Variants in EXT2 observed in about 807,000 individuals in gnomAD.
The protein encoded by EXT2 is exostosin-2.
Under a neutral mutation model 81.6 loss-of-function variants are expected in EXT2, and 53 were observed. The ratio of observed to expected loss-of-function variants is 0.65; its 90% CI spans 0.52 to 0.82. The LOEUF is 0.82. Ranked by LOEUF, EXT2 falls within the 40% of genes least tolerant of loss-of-function variation. The probability of loss-of-function intolerance (pLI) is 0.00; values close to 1 mark genes in which losing one functional copy is unlikely to be tolerated. For synonymous variants in EXT2, 320 were observed against 340.0 expected (o/e 0.94, Z 0.65); for missense variants, 774 against 910.2 (o/e 0.85, Z 1.93).
intron 7 of EXT2, among the ~76,000 whole-genome samples, chr11:44,168,820 T>A (rs1955030607): frequency 6.6e-6 from 1 of 152,104 alleles, no homozygotes; most frequent in African/African-American, 2.4e-5. Flanking sequence ...TACAGTGAAA[T>A]AAATAACAAA....
rs747153343 is a variant in EXT2 at position 44,171,696 on chromosome 11, C to T, written c.1259C>T (p.Pro420Leu). Reference protein sequence around the residue: ...TLQIINDRIYPYAAISYEEWN... With the variant: ...TLQIINDRIYLYAAISYEEWN... ...CAGATTATCAATGACCGGATCTATC[C>T]ATATGCTGCCATCTCCTATGAAGAA... Residue 420 changes from proline to leucine, a missense_variant, in exon 8 of 14, where the codon CCA becomes CTA. By Grantham distance (98) the Pro-to-Leu change is moderately conservative. This residue lies in a region of EXT2 where 626 missense variants were observed against 670.5 expected (regional missense o/e 0.93). Transcript: ENST00000533608. 2.2e-5 allele frequency: 35 copies of T among 1,613,952 alleles called. No individual in the cohort carries two copies. The highest frequency in any genetic ancestry group is 3.0e-5 in the Non-Finnish European group (35 of 1,179,940).
In EXT2 at chr11:44,246,907, T is replaced by A. The variant is rs975887610; in HGVS notation, c.*2620T>A. Among the ~76,000 whole-genome samples, 1 of 152,228 alleles carries A rather than the reference T, an allele frequency of 6.6e-6. No individual in the cohort carries two copies. The highest frequency in any genetic ancestry group is 2.1e-4 in the South Asian group (1 of 4,836). On this transcript the variant is annotated 3_prime_UTR_variant, in exon 14 of 14. Coordinates refer to ENST00000533608, the MANE Select transcript of EXT2 (RefSeq NM_207122.2). ...GTTCTGGCCTACAGCAGACAACAGC[T>A]GGTTTTAGATTAAGAAATCTTTTTA...
At chr11:44,231,938 G>A (rs1219912649) in intron 10 of EXT2, among the ~76,000 whole-genome samples, 1 of 152,024 alleles carries the variant, frequency 6.6e-6, no homozygotes, top group African/African-American at 2.4e-5. Context: ...TAAGAAATGG[G>A]ACTTTATCAT....
At chr11:44,209,689 A>G (rs1590649612) in intron 10 of EXT2, among the ~76,000 whole-genome samples, 1 of 152,302 alleles carries the variant, frequency 6.6e-6, no homozygotes, top group East Asian at 1.9e-4. Context: ...CCTTGGGATT[A>G]TATCTGTCTT....
intron 1 of EXT2, chr11:44,103,817 C>T: frequency 3.8e-6 from 1 of 265,706 alleles, no homozygotes; most frequent in Non-Finnish European, 7.4e-6. Flanking sequence ...TTCATTGATA[C>T]CATCTTATCT....
intron 7 of EXT2, among the ~76,000 whole-genome samples, chr11:44,165,068 C>T (rs942762286): frequency 1.2e-4 from 18 of 151,840 alleles, no homozygotes; most frequent in Admixed American, 3.3e-4. Flanking sequence ...TTAGTAGAGA[C>T]GGGGTTTCAC....
chr11:44,105,339 C>G (rs936987651), intron 1 of EXT2, among the ~76,000 whole-genome samples: 4 of 152,308 alleles, frequency 2.6e-5, no homozygotes, highest in Admixed American at 2.6e-4. Flanking sequence ...ATTGCCCAGG[C>G]TGGAGTGCAG....
chr11:44,223,168 A>G (rs1173817136), intron 10 of EXT2, among the ~76,000 whole-genome samples: 2 of 152,258 alleles, frequency 1.3e-5, no homozygotes, highest in Admixed American at 6.5e-5. Flanking sequence ...GACCACTCAT[A>G]TATTGTTTTT....
At chr11:44,133,346 G>A (rs1954521205) in intron 7 of EXT2, among the ~76,000 whole-genome samples, 1 of 152,176 alleles carries the variant, frequency 6.6e-6, no homozygotes, top group Non-Finnish European at 1.5e-5. Flanking sequence ...TCTTTAGGGA[G>A]GTCAGAGGTG....
intron 13 of EXT2, among the ~76,000 whole-genome samples, chr11:44,242,865 A>G (rs1267212324): frequency 6.6e-6 from 1 of 152,182 alleles, no homozygotes; most frequent in Non-Finnish European, 1.5e-5. Flanking sequence ...TGACCTTTGA[A>G]CATGTTATTT....
intron 1 of EXT2, among the ~76,000 whole-genome samples, chr11:44,106,280 C>T (rs1412282035): frequency 6.6e-6 from 1 of 152,056 alleles, no homozygotes; most frequent in Non-Finnish European, 1.5e-5. Context: ...ACCACATTGG[C>T]CCTTTTCCTC....
intron 4 of EXT2, among the ~76,000 whole-genome samples, chr11:44,119,833 G>A (rs1449491952): frequency 6.6e-6 from 1 of 152,242 alleles, no homozygotes; most frequent in African/African-American, 2.4e-5. Context: ...CAGCGCTGGG[G>A]TTGAGAAACC....
At chr11:44,176,694 C>T (rs571166536) in intron 8 of EXT2, among the ~76,000 whole-genome samples, 1 of 152,192 alleles carries the variant, frequency 6.6e-6, no homozygotes, top group Non-Finnish European at 1.5e-5. Context: ...TACTATGAGC[C>T]CAACCTGCAG....
intron 7 of EXT2, among the ~76,000 whole-genome samples, chr11:44,161,087 T>C (rs1281382298): frequency 6.6e-6 from 1 of 152,182 alleles, no homozygotes; most frequent in Admixed American, 6.5e-5. Context: ...CTAGAAGCAG[T>C]TGGAATTTTG....
At chr11:44,195,162 C>T (rs970488526) in intron 8 of EXT2, among the ~76,000 whole-genome samples, 2 of 152,104 alleles carry the variant, frequency 1.3e-5, no homozygotes, top group African/African-American at 4.8e-5. Context: ...TGGCCGGGCG[C>T]GGTGGCTCAC....
In EXT2 at chr11:44,232,457, A is replaced by C. The variant is rs749901962; in HGVS notation, c.1767A>C (p.Glu589Asp). 1 of 1,614,018 alleles carries C rather than the reference A, an allele frequency of 6.2e-7. No homozygotes were observed. The highest frequency in any genetic ancestry group is 1.1e-5 in the South Asian group (1 of 91,072). ...KWKYESEWTNEVSMVLTGAAF... is the reference protein window; with the variant it reads ...KWKYESEWTNDVSMVLTGAAF... ...AGTATGAGTCTGAGTGGACGAATGA[A>C]GTGTCCATGGTGCTCACTGGGGCAG... The change falls in exon 11 of 14, where the codon GAA becomes GAC. Residue 589 changes from glutamate to aspartate, a missense_variant. Coordinates refer to ENST00000533608, the MANE Select transcript of EXT2 (RefSeq NM_207122.2).
intron 9 of EXT2, among the ~76,000 whole-genome samples, chr11:44,198,471 G>T (rs937026991): frequency 1.3e-5 from 2 of 151,984 alleles, no homozygotes; most frequent in African/African-American, 2.4e-5. Flanking sequence ...GGTCCTTAAA[G>T]AGAGCAATCA....
chr11:44,156,469 C>A (rs1216474755), intron 7 of EXT2, among the ~76,000 whole-genome samples: 1 of 152,012 alleles, frequency 6.6e-6, no homozygotes, highest in Non-Finnish European at 1.5e-5. Context: ...CTCACTAATT[C>A]TTTCTTTTGC....
At chr11:44,147,511 A>G (rs949556075) in intron 7 of EXT2, among the ~76,000 whole-genome samples, 8 of 152,174 alleles carry the variant, frequency 5.3e-5, no homozygotes, top group Admixed American at 5.2e-4. Flanking sequence ...AAGCCATATT[A>G]TATGCATTAA....
Sources: allele counts gnomAD v4.1 joint callset (sites outside exome capture counted in the v4.1 genomes callset), GRCh38; gene constraint gnomAD v4.1.1; regional missense constraint gnomAD v4.1.1; transcripts MANE v1.5; gene names NCBI Gene and HGNC (gene_info 2026-07-23, HGNC 2026-07-21).